GCFC2: variants seen among roughly 807,000 people sequenced by gnomAD.
GCFC2 encodes intron Large complex component GCFC2.
GCFC2 carries 102 observed loss-of-function variants against 99.4 expected under a neutral mutation model. That is an observed-to-expected ratio of 1.03 (90% CI 0.87 to 1.21). The LOEUF is 1.21. Among genes scored for constraint, GCFC2 ranks in the 50% most tolerant of loss-of-function variants. The probability of loss-of-function intolerance (pLI) is 0.00; values close to 1 mark genes in which losing one functional copy is unlikely to be tolerated. For missense variants in GCFC2, 973 were observed against 920.9 expected, an observed-to-expected ratio of 1.06 and a Z score of -0.73; for synonymous variants, 338 against 316.8, an observed-to-expected ratio of 1.07 and a Z score of -0.71.
intron 6 of GCFC2, among the ~76,000 whole-genome samples, chr2:75,692,563 C>CTTGAACTCTGGAGGTGGA (rs1227974203): frequency 6.6e-6 from 1 of 151,944 alleles, no homozygotes; most frequent in East Asian, 1.9e-4. Context: ...AGGAGAATCG[C>CTTGAACTCTGGAGGTGGA]TTGAACTCTG....
rs187492856 is a variant in GCFC2 at position 75,677,910 on chromosome 2, G to A, written c.1812+2283C>T. ...GGAGAATTGCTTGAACCTGGGAGGCGGAGGTTGCAGTGAGCCAAGATCACA... is the reference window on the plus strand; with the variant it reads ...GGAGAATTGCTTGAACCTGGGAGGCAGAGGTTGCAGTGAGCCAAGATCACA... On this transcript the variant is annotated intron_variant, in intron 12 of 16. Coordinates refer to ENST00000321027, the MANE Select transcript of GCFC2 (RefSeq NM_003203.5). 8.6e-5 allele frequency among the ~76,000 whole-genome samples: 13 copies of A among 151,866 alleles called. No individual in the cohort carries two copies. The East Asian group carries it at 1.2e-3, about 14-fold the overall frequency.
Position 75,673,525 on chromosome 2 carries a change from T to C in GCFC2, c.1813-5A>G, listed in dbSNP as rs1293673179. 2 of 1,160,168 alleles carry C rather than the reference T, an allele frequency of 1.7e-6. No homozygotes were observed. The highest frequency in any genetic ancestry group is 3.0e-5 in the African/African-American group (2 of 65,926). The allele number at this position is 1,160,168 out of a possible 1,614,324, so 71.9% of individuals were successfully genotyped here. A position where few individuals can be genotyped will look rare whatever the true frequency, so the allele number is the denominator to read the frequency against. ...AACAATGGATTTAAGTAAATCCTAT[T>C]ATTACAAATTTGAAAAGCATCAGTG... On this transcript the variant is annotated splice_region_variant and splice_polypyrimidine_tract_variant and intron_variant, in intron 12 of 16. Transcript: ENST00000321027.
At chr2:75,710,547 C>G in intron 1 of GCFC2, 44 bp downstream of exon 1, 1 of 1,462,644 alleles carries the variant, frequency 6.8e-7, no homozygotes, top group Non-Finnish European at 9.0e-7. Flanking sequence ...CCCCTTCCCG[C>G]CCTGTGCCGT....
intron 12 of GCFC2, among the ~76,000 whole-genome samples, chr2:75,674,857 T>A (rs985447032): frequency 2.0e-5 from 3 of 152,146 alleles, no homozygotes. Context: ...ATATCAACAT[T>A]TATTTAATGT....
intron 1 of GCFC2, among the ~76,000 whole-genome samples, chr2:75,710,183 A>AAG (rs1216128014): frequency 6.6e-6 from 1 of 152,228 alleles, no homozygotes; most frequent in African/African-American, 2.4e-5. Flanking sequence ...AAATGTTTTC[A>AAG]AGAAAGATAA....
At chr2:75,680,419 A>T (rs965704064) in intron 11 of GCFC2, 105 bp from the exon 12 acceptor site, 3 of 836,678 alleles carry the variant, frequency 3.6e-6, no homozygotes, top group Admixed American at 2.4e-5. Flanking sequence ...CTCCTTATTC[A>T]GTTTAAGTTC....
intron 2 of GCFC2, among the ~76,000 whole-genome samples, chr2:75,704,522 A>G (rs997992996): frequency 1.3e-5 from 2 of 152,240 alleles, no homozygotes; most frequent in Non-Finnish European, 2.9e-5. Flanking sequence ...TAAGACATTT[A>G]TCATCCCTTG....
chr2:75,702,196 T>C lies in GCFC2; in HGVS notation c.619+3A>G, dbSNP rs200331487. Reference sequence around the variant, plus strand: ...TAATCTTCATATATTGGTAAATCCATACTTGATTCCTCAGCCATCCTTTGT... The same window carrying C: ...TAATCTTCATATATTGGTAAATCCACACTTGATTCCTCAGCCATCCTTTGT... On this transcript the variant is annotated splice_donor_region_variant and intron_variant, in intron 3 of 16. Coordinates refer to ENST00000321027, the MANE Select transcript of GCFC2 (RefSeq NM_003203.5). 127 of 1,600,846 alleles carry C rather than the reference T, an allele frequency of 7.9e-5. No homozygotes were observed. In the East Asian group the frequency reaches 2.8e-3, roughly 35 times the overall value.
rs1270461267 is a variant in GCFC2, at chr2:75,710,650, CG to C, written c.205del (p.Arg69GlyfsTer102). 1 of 1,518,256 alleles carries C rather than the reference CG, an allele frequency of 6.6e-7. No homozygotes were observed. The highest frequency in any genetic ancestry group is 1.4e-5 in the African/African-American group (1 of 69,852). The allele number at this position is 1,518,256 out of a possible 1,614,324, so 94.0% of individuals were successfully genotyped here. A position where few individuals can be genotyped will look rare whatever the true frequency, so the allele number is the denominator to read the frequency against. The part of the protein sequence containing the change: ...HRVRGPRGRG[R>X]VWASSRRATK... ...GGCACGCCGGGAGCTCGCCCAGACC[CG>C]GCCCCGGCCACGAGGGCCCCGAACC... is the stretch of plus-strand genomic sequence containing the variant. On this transcript the variant is annotated frameshift_variant, in exon 1 of 17. Transcript: ENST00000321027. LOFTEE classifies it high-confidence loss of function.
At position 75,692,163 on chromosome 2, in the gene GCFC2, A is replaced by G. The variant is rs1161071843; in HGVS notation, c.1021-63T>C. On this transcript the variant is annotated intron_variant, in intron 6 of 16. Coordinates refer to ENST00000321027, the MANE Select transcript of GCFC2 (RefSeq NM_003203.5). ...GATAATGAAATATATATATATATATATATATATAAAAGTAATATTTAGAAG... is the reference window on the plus strand; with the variant it reads ...GATAATGAAATATATATATATATATGTATATATAAAAGTAATATTTAGAAG... The G allele has an allele frequency of 1.1e-5, 5 of 473,060 alleles. No individual in the cohort carries two copies. In the South Asian group the frequency reaches 3.0e-4, roughly 28 times the overall value. The allele number at this position is 473,060 out of a possible 1,614,324, so 29.3% of individuals were successfully genotyped here.
rs1158187188 is a variant in GCFC2, at chr2:75,680,074, GTTTTCCCCCAAACAGT to G, written c.1812+103_1812+118del. On this transcript the variant is annotated intron_variant, in intron 12 of 16. Transcript: ENST00000321027. Reference sequence around the variant, plus strand: ...GTTTCTATAAATCAAAAGTAAATATGTTTTCCCCCAAACAGTTTTCTGATAATCACTTCTGCATCTT... The same window carrying G: ...GTTTCTATAAATCAAAAGTAAATATGTTTCTGATAATCACTTCTGCATCTT... 7.3e-6 allele frequency: 5 copies of G among 686,222 alleles called. No homozygotes were observed. In the African/African-American group the frequency reaches 9.1e-5, roughly 13 times the overall value. 42.5% of individuals were successfully genotyped at this position (686,222 alleles called of 1,614,324 possible). A position where few individuals can be genotyped will look rare whatever the true frequency, so the allele number is the denominator to read the frequency against.
rs755296720 is a variant in GCFC2 at position 75,694,409 on chromosome 2, T to C, written c.852A>G (p.Glu284=). ...QLNTRLTLLQ[E]THRSHLREYE... ...ACTCCCTCAGGTGTGAGCGGTGAGT[T>C]TCCTGTAGTAATGTTAATCTAAATA... Residue 284 remains glutamate, a synonymous_variant, in exon 6 of 17, where the codon GAA becomes GAG. Coordinates refer to ENST00000321027, the MANE Select transcript of GCFC2 (RefSeq NM_003203.5). 1 of 1,404,332 alleles carries C rather than the reference T, an allele frequency of 7.1e-7. No homozygotes were observed. Among genetic ancestry groups the C allele is most frequent in the Non-Finnish European group, 9.5e-7 (1 of 1,053,232 alleles). The allele number at this position is 1,404,332 out of a possible 1,614,324, so 87.0% of individuals were successfully genotyped here. A position where few individuals can be genotyped will look rare whatever the true frequency, so the allele number is the denominator to read the frequency against.
intron 1 of GCFC2, 120 bp downstream of exon 1, chr2:75,710,471 C>G: frequency 7.2e-7 from 1 of 1,387,738 alleles, no homozygotes; most frequent in Non-Finnish European, 9.3e-7. Flanking sequence ...CTGGATAAGA[C>G]TCAGCATGGC....
chr2:75,691,995 A>T lies in GCFC2; in HGVS notation c.1126T>A (p.Tyr376Asn). 1 of 1,543,462 alleles carries T rather than the reference A, an allele frequency of 6.5e-7. No homozygotes were observed. The highest frequency in any genetic ancestry group is 8.8e-7 in the Non-Finnish European group (1 of 1,138,488). ...RQDELKHEST[Y>N]LQQLSRKDET... is the part of the protein sequence containing the mutation. ...CACTAACGTGATAACTGTTGTAAAT[A>T]CGTTGATTCATGTTTTAATTCATCT... The change falls in exon 7 of 17, where the codon TAT becomes AAT. Residue 376 changes from tyrosine (Y) to asparagine (N), a missense_variant. By Grantham distance (143) the Tyr-to-Asn change is moderately radical. Transcript: ENST00000321027.
At position 75,710,898 on chromosome 2, in the gene GCFC2, G is replaced by T. The variant is rs1455969867; in HGVS notation, c.-43C>A. 1.4e-6 allele frequency: 2 copies of T among 1,470,680 alleles called. No individual in the cohort carries two copies. The highest frequency in any genetic ancestry group is 2.3e-5 in the Admixed American group (1 of 43,434). 91.1% of individuals were successfully genotyped at this position (1,470,680 alleles called of 1,614,324 possible). A position where few individuals can be genotyped will look rare whatever the true frequency, so the allele number is the denominator to read the frequency against. On this transcript the variant is annotated 5_prime_UTR_variant, in exon 1 of 17. Coordinates refer to ENST00000321027, the MANE Select transcript of GCFC2 (RefSeq NM_003203.5). ...CCGGCGCCCTAGAACCCGCTGAACC[G>T]CAAGCCGCAGCTTCAGTGCCCGCCC...
chr2:75,699,589 T>C (rs957643482), intron 4 of GCFC2, among the ~76,000 whole-genome samples: 3 of 152,092 alleles, frequency 2.0e-5, no homozygotes, highest in Non-Finnish European at 4.4e-5. Context: ...CATTTATTTA[T>C]TTTTAGTGAC....
chr2:75,689,347 T>C (rs560013486), intron 9 of GCFC2, 122 bp from the exon 10 acceptor site: 1 of 562,390 alleles, frequency 1.8e-6, no homozygotes, highest in Non-Finnish European at 3.1e-6. Context: ...TATATTAATA[T>C]AAATTTTTAT....
chr2:75,686,757 C>A (rs1188321976), intron 11 of GCFC2, among the ~76,000 whole-genome samples: 1 of 152,056 alleles, frequency 6.6e-6, no homozygotes, highest in Non-Finnish European at 1.5e-5. Flanking sequence ...AACAAACACA[C>A]AAAAAATTAA....
intron 4 of GCFC2, among the ~76,000 whole-genome samples, chr2:75,699,583 T>C (rs750477012): frequency 2.4e-4 from 36 of 151,054 alleles, no homozygotes; most frequent in Admixed American, 2.3e-3. Flanking sequence ...TTCATTCATT[T>C]ATTTATTTTT....
Sources: allele counts gnomAD v4.1 joint callset (sites outside exome capture counted in the v4.1 genomes callset), GRCh38; gene constraint gnomAD v4.1.1; transcripts MANE v1.5; gene names NCBI Gene and HGNC (gene_info 2026-07-23, HGNC 2026-07-21).